OSBPL5: variants seen among roughly 807,000 people sequenced by gnomAD.
OSBPL5 encodes oxysterol-binding protein-related protein 5.
Under a neutral mutation model 111.2 loss-of-function variants are expected in OSBPL5, and 71 were observed. The observed-to-expected ratio is 0.64, with a 90% CI of 0.53 to 0.78. OSBPL5 has a LOEUF of 0.78. Ranked by LOEUF, OSBPL5 falls within the 30% of genes least tolerant of loss-of-function variation. OSBPL5 has a pLI of 0.00. For missense variants in OSBPL5, 1,210 were observed against 1,189.3 expected, an observed-to-expected ratio of 1.02 and a Z score of -0.26; for synonymous variants, 549 against 513.9, an observed-to-expected ratio of 1.07 and a Z score of -0.93.
chr11:3,103,413 C>T (rs1857525688), intron 10 of OSBPL5, 93 bp from the exon 11 acceptor site: 1 of 1,182,994 alleles, frequency 8.5e-7, no homozygotes, highest in Non-Finnish European at 1.2e-6. Context: ...TCCCGACCTC[C>T]AACCACTCAG....
At chr11:3,127,600 C>G (rs1858672499) in intron 2 of OSBPL5, among the ~76,000 whole-genome samples, 1 of 152,168 alleles carries the variant, frequency 6.6e-6, no homozygotes, top group Admixed American at 6.5e-5. Context: ...GTGCTACGCC[C>G]CTGACCCGGA....
chr11:3,157,398 G>A (rs932759242), intron 1 of OSBPL5, among the ~76,000 whole-genome samples: 6 of 152,176 alleles, frequency 3.9e-5, no homozygotes, highest in Non-Finnish European at 5.9e-5. Context: ...CAGGAGACCC[G>A]GGGAGGCCAA....
chr11:3,092,737 C>A lies in OSBPL5; in HGVS notation c.2132+130G>T. Reference sequence around the variant, plus strand: ...GATGATGGGGGGTGTCACTATCTGACCCTCCCCCACCGACTCCTCCAGGGG... The same window carrying A: ...GATGATGGGGGGTGTCACTATCTGAACCTCCCCCACCGACTCCTCCAGGGG... On this transcript the variant is annotated intron_variant, in intron 18 of 21. Coordinates refer to ENST00000263650, the MANE Select transcript of OSBPL5 (RefSeq NM_020896.4). This position sits in a 1 kb window ranked among gnomAD's most constrained non-coding sequence, Gnocchi z 5.4. 1 of 1,355,406 alleles carries A rather than the reference C, an allele frequency of 7.4e-7. No individual in the cohort carries two copies. The highest frequency in any genetic ancestry group is 1.5e-5 in the South Asian group (1 of 66,744). 84.0% of individuals were successfully genotyped at this position (1,355,406 alleles called of 1,614,324 possible). A position where few individuals can be genotyped will look rare whatever the true frequency, so the allele number is the denominator to read the frequency against.
chr11:3,090,031 C>A, intron 20 of OSBPL5, 83 bp from the exon 21 acceptor site: 1 of 1,102,738 alleles, frequency 9.1e-7, no homozygotes, highest in South Asian at 1.6e-5. Flanking sequence ...GCACGTGGGT[C>A]ACAGGGTCAT....
At position 3,103,775 on chromosome 11, in the gene OSBPL5, GCCTCTGCAGTCCCTTCCTGC is replaced by G. The variant is rs1564830047; in HGVS notation, c.1244+398_1244+417del. On this transcript the variant is annotated intron_variant, in intron 10 of 21. Transcript: ENST00000263650. ...CTTCCAGCTCTGCAGCCCCCTTCCAGCCTCTGCAGTCCCTTCCTGCCTCTGCAGCCCTCTTCCTGCCTGCG... is the reference window on the plus strand; with the variant it reads ...CTTCCAGCTCTGCAGCCCCCTTCCAGCTCTGCAGCCCTCTTCCTGCCTGCG... 3.9e-3 allele frequency among the ~76,000 whole-genome samples: 189 copies of G among 48,962 alleles called. 3 individuals carry two copies. Among genetic ancestry groups the G allele is most frequent in the South Asian group, 0.018 (23 of 1,310 alleles). The allele number at this position is 48,962 out of a possible 152,430, so 32.1% of individuals were successfully genotyped here. A position where few individuals can be genotyped will look rare whatever the true frequency, so the allele number is the denominator to read the frequency against.
chr11:3,129,006 C>T lies in OSBPL5; in HGVS notation c.136+7G>A. 1.3e-6 allele frequency: 2 copies of T among 1,551,310 alleles called. No homozygotes were observed. The highest frequency in any genetic ancestry group is 1.2e-5 in the South Asian group (1 of 83,946). On this transcript the variant is annotated splice_region_variant and intron_variant, in intron 2 of 21. Coordinates refer to ENST00000263650, the MANE Select transcript of OSBPL5 (RefSeq NM_020896.4). ...GCCAGGTTGCCCTGCCCACGGCCGG[C>T]ACTTACCTGGGCTGAGTGGGTAGAG...
In OSBPL5 at chr11:3,092,739, CT is replaced by C; in HGVS notation, c.2132+127del. The C allele has an allele frequency of 1.5e-6, 2 of 1,361,262 alleles. No individual in the cohort carries two copies. The highest frequency in any genetic ancestry group is 9.8e-7 in the Non-Finnish European group (1 of 1,020,390). 84.3% of individuals were successfully genotyped at this position (1,361,262 alleles called of 1,614,324 possible). On this transcript the variant is annotated intron_variant, in intron 18 of 21. Transcript: ENST00000263650. The surrounding 1 kb of genome is among the most constrained non-coding windows in gnomAD (Gnocchi z 5.4). ...TGATGGGGGGTGTCACTATCTGACC[CT>C]CCCCCACCGACTCCTCCAGGGGACA... is the stretch of plus-strand genomic sequence containing the variant.
rs932008206 is a variant in OSBPL5, at chr11:3,109,170, C to T, written c.692-1225G>A. Among the ~76,000 whole-genome samples, 3 of 152,066 alleles carry T rather than the reference C, an allele frequency of 2.0e-5. No homozygotes were observed. The highest frequency in any genetic ancestry group is 7.2e-5 in the African/African-American group (3 of 41,394). On this transcript the variant is annotated intron_variant, in intron 7 of 21. Transcript: ENST00000263650. This position sits in a 1 kb window ranked among gnomAD's most constrained non-coding sequence, Gnocchi z 7.4. ...TAGGGTGATCTCAGCTCGCTGCAAC[C>T]TCTGACTCCAGGGTTCAAGTGATTC...
At chr11:3,143,727 T>C (rs1590714415) in intron 1 of OSBPL5, among the ~76,000 whole-genome samples, 1 of 152,136 alleles carries the variant, frequency 6.6e-6, no homozygotes, top group East Asian at 1.9e-4. Context: ...CTGGGGCTCT[T>C]TGGGGAAAGA....
rs529215919 is a variant in OSBPL5, at chr11:3,140,323, C to G, written c.-21-11154G>C. Among the ~76,000 whole-genome samples, 4 of 152,334 alleles carry G rather than the reference C, an allele frequency of 2.6e-5. No homozygotes were observed. The highest frequency in any genetic ancestry group is 9.6e-5 in the African/African-American group (4 of 41,586). On this transcript the variant is annotated intron_variant, in intron 1 of 21. Transcript: ENST00000263650. This position sits in a 1 kb window ranked among gnomAD's most constrained non-coding sequence, Gnocchi z 4.5. Reference sequence around the variant, plus strand: ...GCCACCCAGGAGTGACACACACAGCCAAGCTCTCCCCTGTATCCCTCAGGT... The same window carrying G: ...GCCACCCAGGAGTGACACACACAGCGAAGCTCTCCCCTGTATCCCTCAGGT...
At chr11:3,108,085 C>A in intron 7 of OSBPL5, 140 bp from the exon 8 acceptor site, 1 of 1,129,266 alleles carries the variant, frequency 8.9e-7, no homozygotes, top group Non-Finnish European at 1.2e-6. Context: ...CCTGGCCCTG[C>A]CCCAGCAGGG....
chr11:3,115,106 G>T (rs2166568), intron 7 of OSBPL5, among the ~76,000 whole-genome samples: 3,990 of 151,666 alleles, frequency 0.026, 207 homozygotes, highest in African/African-American at 0.089. Flanking sequence ...CTGTTTTTTT[G>T]TGTGTGTGTG....
intron 1 of OSBPL5, among the ~76,000 whole-genome samples, chr11:3,148,081 C>T (rs1206768212): frequency 6.6e-6 from 1 of 152,242 alleles, no homozygotes; most frequent in Non-Finnish European, 1.5e-5. Context: ...ACAGCTCTCC[C>T]TGCACCCCCA....
rs1467889579 is a variant in OSBPL5, at chr11:3,140,793, C to T, written c.-21-11624G>A. 6.6e-6 allele frequency among the ~76,000 whole-genome samples: 1 copy of T among 152,146 alleles called. No homozygotes were observed. Among genetic ancestry groups the T allele is most frequent in the Admixed American group, 6.5e-5 (1 of 15,280 alleles). On this transcript the variant is annotated intron_variant, in intron 1 of 21. Coordinates refer to ENST00000263650, the MANE Select transcript of OSBPL5 (RefSeq NM_020896.4). This position sits in a 1 kb window ranked among gnomAD's most constrained non-coding sequence, Gnocchi z 4.5. ...GGGTACCTGGGGCGGCCCCTCATGT[C>T]CAGGAGCTGAGGCTGCCCCTGGGTG...
At position 3,089,960 on chromosome 11, in the gene OSBPL5, C is replaced by A; in HGVS notation, c.2399-12G>T. On this transcript the variant is annotated splice_polypyrimidine_tract_variant and intron_variant, in intron 20 of 21. Transcript: ENST00000263650. The stretch of plus-strand genomic sequence containing the variant: ...TGGGCTCTCACCGCCTGGGACGGCC[C>A]CGAGTGAGACAAAGGAGGGGAGGGG... 3 of 1,520,498 alleles carry A rather than the reference C, an allele frequency of 2.0e-6. No individual in the cohort carries two copies. The highest frequency in any genetic ancestry group is 1.2e-5 in the South Asian group (1 of 80,886). The allele number at this position is 1,520,498 out of a possible 1,614,324, so 94.2% of individuals were successfully genotyped here. A position where few individuals can be genotyped will look rare whatever the true frequency, so the allele number is the denominator to read the frequency against.
In OSBPL5 at chr11:3,161,976, G is replaced by A. The variant is rs1228885924; in HGVS notation, c.-22+3240C>T. ...CCCCTGTGAGCAAGGAGGGGAGAGG[G>A]AGGGGAGGGGAGGGGGAGAGGAGAA... On this transcript the variant is annotated intron_variant, in intron 1 of 21. Transcript: ENST00000263650. The surrounding 1 kb of genome is among the most constrained non-coding windows in gnomAD (Gnocchi z 8.0). 6.6e-6 allele frequency among the ~76,000 whole-genome samples: 1 copy of A among 151,802 alleles called. No homozygotes were observed. The highest frequency in any genetic ancestry group is 2.4e-5 in the African/African-American group (1 of 41,292).
Position 3,129,115 on chromosome 11 carries a change from A to C in OSBPL5, c.34T>G (p.Ser12Ala), listed in dbSNP as rs1387960091. 6.6e-7 allele frequency: 1 copy of C among 1,510,394 alleles called. No homozygotes were observed. The highest frequency in any genetic ancestry group is 1.3e-5 in the South Asian group (1 of 79,228). The allele number at this position is 1,510,394 out of a possible 1,614,324, so 93.6% of individuals were successfully genotyped here. A position where few individuals can be genotyped will look rare whatever the true frequency, so the allele number is the denominator to read the frequency against. ...GGGGTGGAGGAAGGTGGACACAGGGAGAAGCGGCGCCGGAGGAAGGCCTCC... is the reference window on the plus strand; with the variant it reads ...GGGGTGGAGGAAGGTGGACACAGGGCGAAGCGGCGCCGGAGGAAGGCCTCC... ...KEEAFLRRRF[S>A]LCPPSSTPQK... The change falls in exon 2 of 22, where the codon TCC (serine) becomes GCC (alanine). Residue 12 changes from serine to alanine, a missense_variant. Physicochemically the swap from Ser to Ala is moderately conservative, Grantham distance 99. Transcript: ENST00000263650.
In OSBPL5 at chr11:3,150,155, C is replaced by T. The variant is rs369873507; in HGVS notation, c.-22+15061G>A. Among the ~76,000 whole-genome samples the T allele has an allele frequency of 3.9e-5, 6 of 152,316 alleles. No individual in the cohort carries two copies. In the East Asian group the frequency reaches 9.7e-4, roughly 25 times the overall value. ...CTTCCCAAGAGGGCACTGTTGCCCT[C>T]CTGCCCCAGGCAGGAGGCTCCAGGC... On this transcript the variant is annotated intron_variant, in intron 1 of 21. Transcript: ENST00000263650.
In OSBPL5 at chr11:3,162,197, G is replaced by C. The variant is rs1401337447; in HGVS notation, c.-22+3019C>G. On this transcript the variant is annotated intron_variant, in intron 1 of 21. Transcript: ENST00000263650. The surrounding 1 kb of genome is among the most constrained non-coding windows in gnomAD (Gnocchi z 8.1). ...AAGGCCACGAAAGGGGAGCCTACTA[G>C]GTAGCTGATGTGGAGCTCCAGGCAA... Among the ~76,000 whole-genome samples, 1 of 152,152 alleles carries C rather than the reference G, an allele frequency of 6.6e-6. No homozygotes were observed. Among genetic ancestry groups the C allele is most frequent in the African/African-American group, 2.4e-5 (1 of 41,420 alleles).
Sources: allele counts gnomAD v4.1 joint callset (sites outside exome capture counted in the v4.1 genomes callset), GRCh38; gene constraint gnomAD v4.1.1; non-coding constraint Gnocchi (gnomAD v3.1); transcripts MANE v1.5; gene names NCBI Gene and HGNC (gene_info 2026-07-23, HGNC 2026-07-21).